HPS3: variants seen among roughly 807,000 people sequenced by gnomAD.
HPS3 encodes the protein BLOC-2 complex member HPS3.
HPS3 carries 79 observed loss-of-function variants against 110.9 expected under a neutral mutation model. That is an observed-to-expected ratio of 0.71 (90% CI 0.59 to 0.86). HPS3 has a LOEUF of 0.86. Ranked by LOEUF, HPS3 falls within the 40% of genes least tolerant of loss-of-function variation. The pLI, the probability that HPS3 is intolerant of heterozygous loss-of-function variation, is 0.00. For synonymous variants in HPS3, 428 were observed against 451.0 expected (o/e 0.95, Z 0.65); for missense variants, 1,197 against 1,206.2 (o/e 0.99, Z 0.11).
intron 11 of HPS3, among the ~76,000 whole-genome samples, chr3:149,160,884 A>C (rs1723760075): frequency 6.6e-6 from 1 of 152,232 alleles, no homozygotes; most frequent in Non-Finnish European, 1.5e-5. Flanking sequence ...TATATCATTT[A>C]ATTCTTAATA....
chr3:149,158,479 A>G (rs1392405254), intron 9 of HPS3, among the ~76,000 whole-genome samples, 187 bp from the exon 10 acceptor site: 1 of 152,166 alleles, frequency 6.6e-6, no homozygotes, highest in East Asian at 1.9e-4. Context: ...AATGTTTTAG[A>G]TATCCAGGTT....
At chr3:149,156,888 C>A (rs972449636) in intron 8 of HPS3, among the ~76,000 whole-genome samples, 1 of 152,032 alleles carries the variant, frequency 6.6e-6, no homozygotes, top group African/African-American at 2.4e-5. Context: ...TTTTTATGAG[C>A]CCTCTATGAG....
chr3:149,150,897 GA>G (rs1460800742), intron 6 of HPS3, among the ~76,000 whole-genome samples: 1 of 152,118 alleles, frequency 6.6e-6, no homozygotes, highest in African/African-American at 2.4e-5. Flanking sequence ...ATTTCACTCC[GA>G]ATTGATTTAG....
chr3:149,166,092 A>C (rs1477008936), intron 14 of HPS3: 1 of 449,248 alleles, frequency 2.2e-6, no homozygotes, highest in Non-Finnish European at 4.5e-6. Context: ...TTAGGACATG[A>C]CCATCTCATC....
intron 1 of HPS3, among the ~76,000 whole-genome samples, chr3:149,139,239 A>G (rs1049316230): frequency 6.6e-6 from 1 of 152,232 alleles, no homozygotes; most frequent in Non-Finnish European, 1.5e-5. Context: ...GAGATTTATT[A>G]ATAATTTTTA....
intron 1 of HPS3, among the ~76,000 whole-genome samples, chr3:149,133,433 G>A (rs1245052693): frequency 1.3e-5 from 2 of 151,996 alleles, no homozygotes; most frequent in African/African-American, 4.8e-5. Context: ...CAAGTAGCTG[G>A]GGTTACAGGC....
At chr3:149,161,967 G>A (rs1723905939) in intron 11 of HPS3, among the ~76,000 whole-genome samples, 181 bp from the exon 12 acceptor site, 2 of 152,194 alleles carry the variant, frequency 1.3e-5, no homozygotes, top group African/African-American at 4.8e-5. Flanking sequence ...AGTAACTTCT[G>A]TAAGACAGTC....
intron 6 of HPS3, among the ~76,000 whole-genome samples, chr3:149,153,092 TG>T (rs1255031924): frequency 6.6e-6 from 1 of 152,232 alleles, no homozygotes; most frequent in Non-Finnish European, 1.5e-5. Flanking sequence ...AAACCCCATT[TG>T]GGCGTACCCC....
intron 7 of HPS3, 104 bp downstream of exon 7, chr3:149,153,752 A>G (rs1044740915): frequency 2.5e-6 from 3 of 1,207,310 alleles, no homozygotes; most frequent in Non-Finnish European, 3.7e-6. Flanking sequence ...GGAATGATCA[A>G]ATGGCTTTTT....
chr3:149,167,337 A>G, intron 15 of HPS3, 97 bp downstream of exon 15: 2 of 913,982 alleles, frequency 2.2e-6, no homozygotes, highest in South Asian at 2.8e-5. Flanking sequence ...ATTTATGCTA[A>G]TCCAACATCA....
At chr3:149,164,451 A>G (rs1380766762) in intron 14 of HPS3, among the ~76,000 whole-genome samples, 1 of 152,226 alleles carries the variant, frequency 6.6e-6, no homozygotes, top group Non-Finnish European at 1.5e-5. Flanking sequence ...TCATCCTTTA[A>G]TAATTCTGAC....
At chr3:149,131,405 A>G (rs911672412) in intron 1 of HPS3, among the ~76,000 whole-genome samples, 4 of 152,172 alleles carry the variant, frequency 2.6e-5, no homozygotes, top group African/African-American at 7.2e-5. Flanking sequence ...TGCTCACTAC[A>G]TGTCTCTTGA....
intron 14 of HPS3, chr3:149,166,052 T>C (rs750688111): frequency 2.2e-6 from 1 of 455,626 alleles, no homozygotes. Flanking sequence ...CAGAAGATGC[T>C]GTAGCAAAAA....
intron 15 of HPS3, 74 bp downstream of exon 15, chr3:149,167,314 C>T: frequency 5.1e-6 from 6 of 1,166,810 alleles, no homozygotes; most frequent in Non-Finnish European, 7.5e-6. Context: ...TCCTTTCCTG[C>T]AAAATGGGGA....
At chr3:149,141,472 G>C in intron 4 of HPS3, 92 bp downstream of exon 4, 1 of 1,035,892 alleles carries the variant, frequency 9.7e-7, no homozygotes, top group East Asian at 2.4e-5. Context: ...TAATAGGTTT[G>C]GTGGTTTGGT....
At chr3:149,142,918 A>T (rs560220914) in intron 4 of HPS3, among the ~76,000 whole-genome samples, 1 of 152,278 alleles carries the variant, frequency 6.6e-6, no homozygotes, top group East Asian at 1.9e-4. Context: ...GAGGATCTGA[A>T]GGGCGAATTG....
intron 8 of HPS3, among the ~76,000 whole-genome samples, chr3:149,156,599 C>A (rs1345301329): frequency 6.8e-6 from 1 of 147,084 alleles, no homozygotes; most frequent in African/African-American, 2.5e-5. Context: ...TGGTTAGATT[C>A]AGATTATGCA....
At chr3:149,138,953 T>C (rs1367829691) in intron 1 of HPS3, among the ~76,000 whole-genome samples, 1 of 152,206 alleles carries the variant, frequency 6.6e-6, no homozygotes. Context: ...TAATTGATAG[T>C]AATTGGGCAA....
chr3:149,134,899 A>T (rs1015824284), intron 1 of HPS3, among the ~76,000 whole-genome samples: 2 of 152,150 alleles, frequency 1.3e-5, no homozygotes, highest in South Asian at 4.1e-4. Flanking sequence ...CTATTAATGC[A>T]CCCACAAATG....
Sources: allele counts gnomAD v4.1 joint callset (sites outside exome capture counted in the v4.1 genomes callset), GRCh38; gene constraint gnomAD v4.1.1; transcripts MANE v1.5; gene names NCBI Gene and HGNC (gene_info 2026-07-23, HGNC 2026-07-21).